FOXP1: variants seen among roughly 807,000 people sequenced by gnomAD.
FOXP1 encodes the protein forkhead box P1, also known as forkhead box protein P1.
In FOXP1, 15 loss-of-function variants were observed where a neutral mutation model predicts 98.2. The observed-to-expected ratio is 0.15, with a 90% confidence interval of 0.10 to 0.24. The LOEUF (loss-of-function observed/expected upper bound fraction) is 0.24. FOXP1 is among the 10% of genes least tolerant of loss of function. FOXP1 has a pLI of 1.00. For synonymous variants in FOXP1, 371 were observed against 314.5 expected (o/e 1.18, Z -1.90); for missense variants, 633 against 848.5 (o/e 0.75, Z 3.15).
At chr3:71,298,802 T>C (rs1273339733) in intron 5 of FOXP1, among the ~76,000 whole-genome samples, 1 of 152,132 alleles carries the variant, frequency 6.6e-6, no homozygotes, top group Non-Finnish European at 1.5e-5. Context: ...CAAAAACTGA[T>C]CAAAGATTCT....
intron 6 of FOXP1, among the ~76,000 whole-genome samples, chr3:71,173,356 C>T (rs1392897091): frequency 6.7e-6 from 1 of 148,402 alleles, no homozygotes; most frequent in Admixed American, 6.8e-5. Flanking sequence ...ATGGGAACTG[C>T]CTCAATTTAG....
intron 2 of FOXP1, chr3:71,572,681 A>C (rs2047427661): frequency 6.6e-6 from 1 of 152,212 alleles, no homozygotes; most frequent in African/African-American, 2.4e-5. Flanking sequence ...GAACAGTGGT[A>C]AAGTAACCTC....
At chr3:71,136,974 T>C (rs1210437578) in intron 6 of FOXP1, among the ~76,000 whole-genome samples, 2 of 152,236 alleles carry the variant, frequency 1.3e-5, no homozygotes, top group African/African-American at 2.4e-5. Flanking sequence ...ATGCCTCCAC[T>C]TGCCAGATCT....
At chr3:71,312,648 T>A (rs1263355131) in intron 4 of FOXP1, among the ~76,000 whole-genome samples, 1 of 152,220 alleles carries the variant, frequency 6.6e-6, no homozygotes, top group Non-Finnish European at 1.5e-5. Context: ...AGCATGGTGC[T>A]GCCGCACAAT....
intron 5 of FOXP1, among the ~76,000 whole-genome samples, chr3:71,260,190 A>T (rs962206279): frequency 6.6e-6 from 1 of 152,118 alleles, no homozygotes; most frequent in Non-Finnish European, 1.5e-5. Flanking sequence ...TCACCGTGTT[A>T]GCCAGGATGG....
At chr3:71,364,331 A>G (rs1387519685) in intron 3 of FOXP1, among the ~76,000 whole-genome samples, 1 of 152,216 alleles carries the variant, frequency 6.6e-6, no homozygotes, top group Non-Finnish European at 1.5e-5. Flanking sequence ...TAGTAAAAGG[A>G]AAGGGAACCA....
At chr3:71,304,156 A>G (rs963948132) in intron 4 of FOXP1, among the ~76,000 whole-genome samples, 5 of 152,162 alleles carry the variant, frequency 3.3e-5, no homozygotes, top group Non-Finnish European at 7.3e-5. Flanking sequence ...ATTATACATT[A>G]AGCCACGTGG....
At chr3:71,391,947 C>A (rs978901642) in intron 3 of FOXP1, among the ~76,000 whole-genome samples, 2 of 152,152 alleles carry the variant, frequency 1.3e-5, no homozygotes, top group African/African-American at 4.8e-5. Context: ...GGAAAGACAG[C>A]TCACGGATGC....
chr3:71,031,912 T>C (rs2046915103), intron 11 of FOXP1, among the ~76,000 whole-genome samples: 2 of 152,182 alleles, frequency 1.3e-5, no homozygotes, highest in Non-Finnish European at 2.9e-5. Flanking sequence ...GAACCAAGTG[T>C]GTTTCATGCA....
intron 19 of FOXP1, among the ~76,000 whole-genome samples, chr3:70,967,624 T>C (rs2293171): frequency 0.42 from 62,436 of 148,856 alleles, 15,818 homozygotes; most frequent in African/African-American, 0.72. Flanking sequence ...GCGATAAAGC[T>C]TTTTTTCTTT....
intron 4 of FOXP1, among the ~76,000 whole-genome samples, chr3:71,325,741 C>T (rs1294682349): frequency 6.6e-6 from 1 of 151,926 alleles, no homozygotes; most frequent in African/African-American, 2.4e-5. Context: ...TGGCTATTCA[C>T]AGGCATGCTC....
At chr3:71,331,028 T>C (rs2107720246) in intron 4 of FOXP1, among the ~76,000 whole-genome samples, 1 of 152,342 alleles carries the variant, frequency 6.6e-6, no homozygotes, top group African/African-American at 2.4e-5. Context: ...GTGCCCACTC[T>C]GGCCGCGCTT....
Position 70,971,239 on chromosome 3 carries a change from G to GTGAC in FOXP1, c.1653-438_1653-435dup, listed in dbSNP as rs199880208. On this transcript the variant is annotated intron_variant, in intron 18 of 20. Coordinates refer to ENST00000649528, the MANE Select transcript of FOXP1 (RefSeq NM_001349338.3). ...GCATCTTTGAGATTTGAACTTTACAGTGACTGCTAGAGGGATGGCAGGAAG... is the reference window on the plus strand; with the variant it reads ...GCATCTTTGAGATTTGAACTTTACAGTGACTGACTGCTAGAGGGATGGCAGGAAG... 2,413 of 275,496 alleles carry GTGAC rather than the reference G, an allele frequency of 8.8e-3. 55 individuals are homozygous for GTGAC. The highest frequency in any genetic ancestry group is 0.046 in the African/African-American group (2,074 of 45,454). The allele number at this position is 275,496 out of a possible 1,614,324, so 17.1% of individuals were successfully genotyped here.
chr3:71,581,567 G>T lies in FOXP1; in HGVS notation c.-316C>A. The T allele has an allele frequency of 1.0e-6, 1 of 985,462 alleles. No homozygotes were observed. Among genetic ancestry groups the T allele is most frequent in the Middle Eastern group, 5.2e-4 (1 of 1,910 alleles). The allele number at this position is 985,462 out of a possible 1,614,324, so 61.0% of individuals were successfully genotyped here. Reference sequence around the variant, plus strand: ...GACTTACCCGCGGAGTCCGGGGAGGGAGTAGGAGCGCCGCCTTCACGCCCG... The same window carrying T: ...GACTTACCCGCGGAGTCCGGGGAGGTAGTAGGAGCGCCGCCTTCACGCCCG... On this transcript the variant is annotated 5_prime_UTR_variant, in exon 2 of 21. Coordinates refer to ENST00000649528, the MANE Select transcript of FOXP1 (RefSeq NM_001349338.3).
chr3:71,258,684 T>C (rs541029477), intron 5 of FOXP1, among the ~76,000 whole-genome samples: 1 of 152,138 alleles, frequency 6.6e-6, no homozygotes. Flanking sequence ...TGTGTGGCAA[T>C]TGGAAGGATG....
rs928392586 is a variant in FOXP1, at chr3:70,957,818, A to T, written c.*1429T>A. Reference sequence around the variant, plus strand: ...GTACCAAATTTGCATATTTGAAATTAACACTTTAGCATTTGCTGAACTCAG... The same window carrying T: ...GTACCAAATTTGCATATTTGAAATTTACACTTTAGCATTTGCTGAACTCAG... On this transcript the variant is annotated 3_prime_UTR_variant, in exon 21 of 21. Coordinates refer to ENST00000649528, the MANE Select transcript of FOXP1 (RefSeq NM_001349338.3). The T allele has an allele frequency of 3.0e-5, 7 of 233,770 alleles. No individual in the cohort carries two copies. The highest frequency in any genetic ancestry group is 5.9e-5 in the Non-Finnish European group (7 of 118,176). 14.5% of individuals were successfully genotyped at this position (233,770 alleles called of 1,614,324 possible).
chr3:71,080,278 G>A lies in FOXP1; in HGVS notation c.283-26505C>T, dbSNP rs556138280. 6.6e-4 allele frequency among the ~76,000 whole-genome samples: 100 copies of A among 152,246 alleles called. 1 individual carries two copies. The highest frequency in any genetic ancestry group is 2.3e-3 in the African/African-American group (95 of 41,542). On this transcript the variant is annotated intron_variant, in intron 7 of 20. Coordinates refer to ENST00000649528, the MANE Select transcript of FOXP1 (RefSeq NM_001349338.3). ...GGGAAAAGTTCTGATTTATAGTGCC[G>A]GTGGAATAATTTTAAATAATTACAT...
At chr3:71,446,181 C>T (rs1577559453) in intron 3 of FOXP1, among the ~76,000 whole-genome samples, 2 of 152,102 alleles carry the variant, frequency 1.3e-5, no homozygotes, top group South Asian at 2.1e-4. Context: ...GAAATGGGTG[C>T]TCTGCCATCT....
chr3:71,009,969 T>C (rs1030396896), intron 12 of FOXP1, among the ~76,000 whole-genome samples: 11 of 151,040 alleles, frequency 7.3e-5, no homozygotes, highest in African/African-American at 2.7e-4. Context: ...TTGACCTGGC[T>C]GGTCTCAAAC....
Sources: gnomAD v4.1 joint callset for allele counts (sites outside exome capture counted in the v4.1 genomes callset) on GRCh38, gnomAD v4.1.1 for gene constraint, MANE v1.5 for transcripts, NCBI Gene and HGNC (gene_info 2026-07-23, HGNC 2026-07-21) for gene names.